The following GRID1 variants were observed in gnomAD, a reference collection of about 807,000 sequenced individuals.
The protein encoded by GRID1 is glutamate receptor ionotropic, delta-1.
In GRID1, 28 loss-of-function variants were observed where a neutral mutation model predicts 98.0. The observed-to-expected ratio is 0.29, with a 90% CI of 0.21 to 0.39. The LOEUF is 0.39. Among genes scored for constraint, GRID1 ranks in the 10% least tolerant of loss-of-function variants. The pLI is 1.00. For missense variants in GRID1, 1,111 were observed against 1,340.5 expected (o/e 0.83, Z 2.67); for synonymous variants, 553 against 538.5 (o/e 1.03, Z -0.37).
At chr10:85,992,625 A>T (rs999034940) in intron 4 of GRID1, among the ~76,000 whole-genome samples, 4 of 150,964 alleles carry the variant, frequency 2.6e-5, no homozygotes, top group African/African-American at 9.7e-5. Flanking sequence ...TGGGGGGGGA[A>T]CAAATGGTAA....
At chr10:86,069,464 C>T (rs538565265) in intron 4 of GRID1, among the ~76,000 whole-genome samples, 49 of 152,222 alleles carry the variant, frequency 3.2e-4, no homozygotes, top group Middle Eastern at 3.4e-3. Flanking sequence ...CTGGCTAACA[C>T]GGTGAAACCC....
intron 8 of GRID1, among the ~76,000 whole-genome samples, chr10:85,841,392 C>T (rs895710184): frequency 1.3e-5 from 2 of 152,212 alleles, no homozygotes; most frequent in African/African-American, 4.8e-5. Flanking sequence ...TCTAAGACAA[C>T]CTAGGCAATA....
intron 3 of GRID1, among the ~76,000 whole-genome samples, chr10:86,180,763 G>C (rs547993930): frequency 6.6e-6 from 1 of 151,998 alleles, no homozygotes; most frequent in African/African-American, 2.4e-5. Context: ...CACCACCTGC[G>C]GCCAGGCCCG....
rs1206839020 is a variant in GRID1, at chr10:86,340,052, A to G, written c.235+23889T>C. ...GGGAAGAACTCACAGAGGCGGAGAC[A>G]GCAGGGACTGGAGGAGGGGAGAGTG... On this transcript the variant is annotated intron_variant, in intron 2 of 15. Transcript: ENST00000327946. Among the ~76,000 whole-genome samples, 3 of 152,144 alleles carry G rather than the reference A, an allele frequency of 2.0e-5. No homozygotes were observed. The East Asian group carries it at 5.8e-4, about 29-fold the overall frequency.
intron 4 of GRID1, among the ~76,000 whole-genome samples, chr10:86,085,367 A>G (rs1844036529): frequency 1.3e-5 from 2 of 152,200 alleles, no homozygotes; most frequent in Admixed American, 6.5e-5. Flanking sequence ...CAGGCACCCA[A>G]GGGCAAGAAG....
At chr10:85,738,234 T>C (rs1463519178) in intron 8 of GRID1, among the ~76,000 whole-genome samples, 1 of 152,168 alleles carries the variant, frequency 6.6e-6, no homozygotes, top group African/African-American at 2.4e-5. Context: ...AAAGGACTTA[T>C]TTTTCCAAAG....
chr10:85,849,641 G>A (rs1843039364), intron 8 of GRID1, among the ~76,000 whole-genome samples: 1 of 152,124 alleles, frequency 6.6e-6, no homozygotes, highest in African/African-American at 2.4e-5. Flanking sequence ...GTTCAGAAAT[G>A]ATGTTCTGGG....
intron 2 of GRID1, among the ~76,000 whole-genome samples, chr10:86,318,303 C>T (rs1847925625): frequency 6.6e-6 from 1 of 152,260 alleles, no homozygotes; most frequent in Non-Finnish European, 1.5e-5. Flanking sequence ...TTTAATTCTG[C>T]ACATCGCATG....
chr10:85,606,299 A>T (rs1198726959), intron 15 of GRID1: 1 of 152,210 alleles, frequency 6.6e-6, no homozygotes, highest in East Asian at 1.9e-4. Context: ...TGTCTACACC[A>T]AATGGACAAA....
chr10:86,100,985 G>C (rs886241975), intron 4 of GRID1, among the ~76,000 whole-genome samples: 1 of 152,142 alleles, frequency 6.6e-6, no homozygotes, highest in Non-Finnish European at 1.5e-5. Context: ...CCATTAAATG[G>C]TCACTGGTGA....
Position 85,749,042 on chromosome 10 carries a change from C to T in GRID1, c.1234-19428G>A, listed in dbSNP as rs542249164. 2.6e-5 allele frequency among the ~76,000 whole-genome samples: 4 copies of T among 152,290 alleles called. No homozygotes were observed. In the South Asian group the frequency reaches 8.3e-4, roughly 32 times the overall value. ...AACTGCACCATATCTATTACTACCT[C>T]CCAAATCCCAGCCACCATTATCACC... On this transcript the variant is annotated intron_variant, in intron 8 of 15. Coordinates refer to ENST00000327946, the MANE Select transcript of GRID1 (RefSeq NM_017551.3).
intron 4 of GRID1, among the ~76,000 whole-genome samples, chr10:86,069,883 G>A (rs1843778650): frequency 6.6e-6 from 1 of 152,140 alleles, no homozygotes; most frequent in Non-Finnish European, 1.5e-5. Flanking sequence ...GACCCAGAAA[G>A]CCCCAAGTGA....
intron 4 of GRID1, among the ~76,000 whole-genome samples, chr10:85,920,346 G>C (rs1215048755): frequency 6.6e-6 from 1 of 152,188 alleles, no homozygotes; most frequent in Non-Finnish European, 1.5e-5. Flanking sequence ...CACTAAAGAT[G>C]ATCAGTCAGC....
intron 12 of GRID1, among the ~76,000 whole-genome samples, chr10:85,715,351 G>T (rs944716272): frequency 6.6e-6 from 1 of 152,048 alleles, no homozygotes; most frequent in African/African-American, 2.4e-5. Flanking sequence ...AAAAGCACAG[G>T]CAACAAAAGC....
intron 12 of GRID1, among the ~76,000 whole-genome samples, chr10:85,686,541 T>C (rs552776408): frequency 2.0e-5 from 3 of 152,316 alleles, no homozygotes; most frequent in East Asian, 3.9e-4. Context: ...GTCCTATATG[T>C]ACCAAATGTT....
At chr10:85,774,482 A>C (rs1446185812) in intron 8 of GRID1, among the ~76,000 whole-genome samples, 1 of 151,552 alleles carries the variant, frequency 6.6e-6, no homozygotes, top group African/African-American at 2.4e-5. Flanking sequence ...AATGGAATCT[A>C]ATTAAACTAA....
At chr10:85,877,179 G>A (rs1485070910) in intron 5 of GRID1, among the ~76,000 whole-genome samples, 1 of 152,238 alleles carries the variant, frequency 6.6e-6, no homozygotes, top group African/African-American at 2.4e-5. Context: ...TCTGGGGGCA[G>A]GGCACAGACA....
Position 86,366,180 on chromosome 10 carries a change from C to T in GRID1, c.79+134G>A. 2 of 421,652 alleles carry T rather than the reference C, an allele frequency of 4.7e-6. No individual in the cohort carries two copies. Among genetic ancestry groups the T allele is most frequent in the Non-Finnish European group, 7.7e-6 (2 of 259,398 alleles). 26.1% of individuals were successfully genotyped at this position (421,652 alleles called of 1,614,324 possible). ...GGTGCACAGCTCCTCCGCCGGGCGG[C>T]GCGGCGCGGCCCTTCGGGGGAGCAC... On this transcript the variant is annotated intron_variant, in intron 1 of 15. Coordinates refer to ENST00000327946, the MANE Select transcript of GRID1 (RefSeq NM_017551.3). This position sits in a 1 kb window ranked among gnomAD's most constrained non-coding sequence, Gnocchi z 4.1.
At chr10:86,043,230 G>A (rs915884099) in intron 4 of GRID1, among the ~76,000 whole-genome samples, 1 of 152,192 alleles carries the variant, frequency 6.6e-6, no homozygotes, top group Non-Finnish European at 1.5e-5. Context: ...AACCAGCCAG[G>A]GACTTTCTCC....
Sources: allele counts gnomAD v4.1 joint callset (sites outside exome capture counted in the v4.1 genomes callset), GRCh38; gene constraint gnomAD v4.1.1; non-coding constraint Gnocchi (gnomAD v3.1); transcripts MANE v1.5; gene names NCBI Gene and HGNC (gene_info 2026-07-23, HGNC 2026-07-21).